Variants in KIF21A observed in about 807,000 individuals in gnomAD.
KIF21A encodes kinesin-like protein KIF21A.
In KIF21A, 114 loss-of-function variants were observed where a neutral mutation model predicts 202.9. The observed-to-expected ratio is 0.56, with a 90% CI of 0.48 to 0.66. The LOEUF (loss-of-function observed/expected upper bound fraction) is 0.66, where lower values mean the gene tolerates loss of function less well. KIF21A is among the 30% of genes least tolerant of loss of function. KIF21A has a pLI of 0.00. For missense variants in KIF21A, 1,677 were observed against 1,994.9 expected, an observed-to-expected ratio of 0.84 and a Z score of 3.04; for synonymous variants, 667 against 670.8, an observed-to-expected ratio of 0.99 and a Z score of 0.09.
Position 39,356,637 on chromosome 12 carries a change from G to C in KIF21A, c.1469+195C>G, listed in dbSNP as rs1948794726. The C allele has an allele frequency of 1.1e-5, 5 of 452,000 alleles. No individual in the cohort carries two copies. In the South Asian group the frequency reaches 1.5e-4, roughly 13 times the overall value. The allele number at this position is 452,000 out of a possible 1,614,324, so 28.0% of individuals were successfully genotyped here. A position where few individuals can be genotyped will look rare whatever the true frequency, so the allele number is the denominator to read the frequency against. ...AGAGTAGGAGAATAATATGGGAAGAGAAAGGAGGAAAACAGCTTGGAATAT... is the reference window on the plus strand; with the variant it reads ...AGAGTAGGAGAATAATATGGGAAGACAAAGGAGGAAAACAGCTTGGAATAT... On this transcript the variant is annotated intron_variant, in intron 10 of 37. Transcript: ENST00000361418.
At chr12:39,304,587 G>A (rs977475140) in intron 35 of KIF21A, among the ~76,000 whole-genome samples, 1 of 152,192 alleles carries the variant, frequency 6.6e-6, no homozygotes, top group African/African-American at 2.4e-5. Flanking sequence ...TTGGAAGACT[G>A]AGTTAAAAGA....
intron 1 of KIF21A, among the ~76,000 whole-genome samples, chr12:39,383,378 T>C (rs565357123): frequency 3.3e-5 from 5 of 152,364 alleles, no homozygotes; most frequent in South Asian, 2.1e-4. Context: ...AAAGGCCTAA[T>C]GTCTGTAAGT....
chr12:39,354,432 T>C (rs953432226), intron 10 of KIF21A, among the ~76,000 whole-genome samples: 30 of 152,180 alleles, frequency 2.0e-4, no homozygotes, highest in African/African-American at 7.0e-4. Context: ...CTTAGAATAA[T>C]GGGAATACAC....
Position 39,297,924 on chromosome 12 carries a change from C to CAA in KIF21A, c.4932-3409_4932-3408dup, listed in dbSNP as rs200393283. Among the ~76,000 whole-genome samples, 153 of 131,170 alleles carry CAA rather than the reference C, an allele frequency of 1.2e-3. 1 individual carries two copies. Among genetic ancestry groups the CAA allele is most frequent in the South Asian group, 5.5e-3 (23 of 4,190 alleles). The allele number at this position is 131,170 out of a possible 152,430, so 86.1% of individuals were successfully genotyped here. ...ATAAAGTATTGTATTTTGGTATTAT[C>CAA]AAAAAAAAAAAAGAAAAGAAAAGAT... On this transcript the variant is annotated intron_variant, in intron 37 of 37. Transcript: ENST00000361418.
rs1953696625 is a variant in KIF21A at position 39,416,711 on chromosome 12, G to GTGTGTATATATATATGTACATATATA, written c.44+26215_44+26216insTATATATGTACATATATATATACACA. Among the ~76,000 whole-genome samples, 4 of 86,422 alleles carry GTGTGTATATATATATGTACATATATA rather than the reference G, an allele frequency of 4.6e-5. 1 individual carries two copies. The highest frequency in any genetic ancestry group is 3.1e-4 in the African/African-American group (4 of 12,710). 56.7% of individuals were successfully genotyped at this position (86,422 alleles called of 152,430 possible). A position where few individuals can be genotyped will look rare whatever the true frequency, so the allele number is the denominator to read the frequency against. ...TGTATATATATATGTACATATATAT[G>GTGTGTATATATATATGTACATATATA]TGTGTATATATGTACATATATATGT... On this transcript the variant is annotated intron_variant, in intron 1 of 37. Transcript: ENST00000361418.
At chr12:39,318,983 A>C (rs969094414) in intron 28 of KIF21A, among the ~76,000 whole-genome samples, 4 of 151,316 alleles carry the variant, frequency 2.6e-5, no homozygotes, top group African/African-American at 9.7e-5. Context: ...TCCGTCTCAA[A>C]AAAAAAAAAA....
Position 39,293,778 on chromosome 12 carries a change from T to C in KIF21A, c.*646A>G, listed in dbSNP as rs1032476338. 3.9e-5 allele frequency: 6 copies of C among 152,086 alleles called. No individual in the cohort carries two copies. The highest frequency in any genetic ancestry group is 3.3e-4 in the Admixed American group (5 of 15,242). 9.4% of individuals were successfully genotyped at this position (152,086 alleles called of 1,614,324 possible). ...CAGCATTTTAGTCCTGAGCACAGAATATAGTAGAGCTGCAAAACTTTGGTC... is the reference window on the plus strand; with the variant it reads ...CAGCATTTTAGTCCTGAGCACAGAACATAGTAGAGCTGCAAAACTTTGGTC... On this transcript the variant is annotated 3_prime_UTR_variant, in exon 38 of 38. Coordinates refer to ENST00000361418, the MANE Select transcript of KIF21A (RefSeq NM_001173464.2).
chr12:39,297,732 A>T (rs542771331), intron 37 of KIF21A, among the ~76,000 whole-genome samples: 18 of 144,286 alleles, frequency 1.2e-4, no homozygotes, highest in African/African-American at 3.9e-4. Context: ...AACTTAAATT[A>T]AAAAAAAAAA....
chr12:39,442,069 T>G lies in KIF21A; in HGVS notation c.44+858A>C, dbSNP rs1193370159. Among the ~76,000 whole-genome samples the G allele has an allele frequency of 6.6e-6, 1 of 152,160 alleles. No homozygotes were observed. Among genetic ancestry groups the G allele is most frequent in the Non-Finnish European group, 1.5e-5 (1 of 68,016 alleles). On this transcript the variant is annotated intron_variant, in intron 1 of 37. Transcript: ENST00000361418. The surrounding 1 kb of genome is among the most constrained non-coding windows in gnomAD (Gnocchi z 5.0). ...TTGATAAGTATCAAAACAGCCGAAA[T>G]TACATCGAATACTCGTGCCTGTCAT...
chr12:39,428,997 T>C (rs918431355), intron 1 of KIF21A, among the ~76,000 whole-genome samples: 3 of 150,862 alleles, frequency 2.0e-5, no homozygotes, highest in African/African-American at 7.3e-5. Flanking sequence ...ACATGACACA[T>C]GGAAATGAGA....
chr12:39,349,499 A>C (rs561605589), intron 11 of KIF21A, among the ~76,000 whole-genome samples: 2 of 152,058 alleles, frequency 1.3e-5, no homozygotes, highest in Non-Finnish European at 2.9e-5. Context: ...TATCACTTCC[A>C]AGGAGCTCCT....
chr12:39,400,904 A>G (rs1355561394), intron 1 of KIF21A, among the ~76,000 whole-genome samples: 1 of 152,264 alleles, frequency 6.6e-6, no homozygotes, highest in Non-Finnish European at 1.5e-5. Flanking sequence ...ATACCAAAGG[A>G]GAAAACCATC....
chr12:39,376,845 C>G (rs1045651971), intron 1 of KIF21A, among the ~76,000 whole-genome samples: 2 of 152,074 alleles, frequency 1.3e-5, no homozygotes, highest in African/African-American at 4.8e-5. Flanking sequence ...AAGGGATAAG[C>G]CTTTCTTTTG....
In KIF21A at chr12:39,337,393, T is replaced by C. The variant is rs1947073108; in HGVS notation, c.2311-190A>G. ...TATATTTCTATTTCTAATACATTTT[T>C]ATTAAATTGCTTAGTATTCTATGCT... On this transcript the variant is annotated intron_variant, in intron 16 of 37. Coordinates refer to ENST00000361418, the MANE Select transcript of KIF21A (RefSeq NM_001173464.2). 8 of 571,430 alleles carry C rather than the reference T, an allele frequency of 1.4e-5. No individual in the cohort carries two copies. In the South Asian group the frequency reaches 1.7e-4, roughly 12 times the overall value. The allele number at this position is 571,430 out of a possible 1,614,324, so 35.4% of individuals were successfully genotyped here.
rs78892915 is a variant in KIF21A, at chr12:39,314,805, T to C, written c.3959+424A>G. 6.9e-3 allele frequency among the ~76,000 whole-genome samples: 1,052 copies of C among 152,032 alleles called. 11 individuals are homozygous for C. Among genetic ancestry groups the C allele is most frequent in the African/African-American group, 0.024 (1,001 of 41,568 alleles). On this transcript the variant is annotated intron_variant, in intron 31 of 37. Transcript: ENST00000361418. ...AATATTTGCCCCAGTAACTTATGTA[T>C]GGCACAGTTATTTCCAGGAGATCAG...
At chr12:39,369,409 G>A (rs540117015) in intron 3 of KIF21A, among the ~76,000 whole-genome samples, 4 of 152,190 alleles carry the variant, frequency 2.6e-5, no homozygotes, top group South Asian at 2.1e-4. Context: ...GCAGTGAGCC[G>A]AAATGGTGCC....
At chr12:39,308,882 A>G (rs989646140) in intron 33 of KIF21A, among the ~76,000 whole-genome samples, 5 of 152,186 alleles carry the variant, frequency 3.3e-5, no homozygotes, top group African/African-American at 7.2e-5. Flanking sequence ...GCACTTAAAA[A>G]CAGTCTCTAC....
chr12:39,354,312 C>T (rs563080736), intron 10 of KIF21A, among the ~76,000 whole-genome samples: 29 of 152,086 alleles, frequency 1.9e-4, no homozygotes, highest in African/African-American at 6.0e-4. Flanking sequence ...AATATATTAC[C>T]GCTTTTCAAA....
intron 10 of KIF21A, among the ~76,000 whole-genome samples, chr12:39,353,495 A>G (rs1948550612): frequency 2.6e-5 from 4 of 152,166 alleles, no homozygotes; most frequent in African/African-American, 9.7e-5. Flanking sequence ...GTTAAAATTC[A>G]TGATTATCAA....
Sources: gnomAD v4.1 joint callset for allele counts (sites outside exome capture counted in the v4.1 genomes callset) on GRCh38, gnomAD v4.1.1 for gene constraint, Gnocchi (gnomAD v3.1) non-coding constraint, MANE v1.5 for transcripts, NCBI Gene and HGNC (gene_info 2026-07-23, HGNC 2026-07-21) for gene names.